Variants in ALDH6A1 observed in about 807,000 individuals in gnomAD.
ALDH6A1 encodes methylmalonate-semialdehyde/malonate-semialdehyde dehydrogenase [acylating], mitochondrial.
A neutral mutation model predicts 62.6 loss-of-function variants in ALDH6A1; 43 were observed. The ratio of observed to expected loss-of-function variants is 0.69; its 90% CI spans 0.54 to 0.89. ALDH6A1 has a LOEUF of 0.89. Among genes scored for constraint, ALDH6A1 ranks in the 40% least tolerant of loss-of-function variants. ALDH6A1 has a pLI of 0.00. For missense variants in ALDH6A1, 551 were observed against 661.3 expected (o/e 0.83, Z 1.83); for synonymous variants, 194 against 234.2 (o/e 0.83, Z 1.57).
chr14:74,064,959 AG>A, intron 10 of ALDH6A1, 39 bp from the exon 11 acceptor site: 2 of 1,576,470 alleles, frequency 1.3e-6, no homozygotes, highest in Non-Finnish European at 1.7e-6. Flanking sequence ...CTAAGGACAA[AG>A]GAACTCTCCA....
chr14:74,065,584 A>G (rs185475370), intron 9 of ALDH6A1: 2 of 546,094 alleles, frequency 3.7e-6, no homozygotes, highest in Non-Finnish European at 3.3e-6. Context: ...CCTATCAACA[A>G]TAACCACACT....
intron 1 of ALDH6A1, among the ~76,000 whole-genome samples, chr14:74,079,340 G>A (rs1359385369): frequency 2.6e-5 from 4 of 151,868 alleles, no homozygotes; most frequent in Admixed American, 6.6e-5. Context: ...TCCACCTCCC[G>A]GGTTCAGGCG....
At chr14:74,077,528 G>A (rs1425944014) in intron 1 of ALDH6A1, among the ~76,000 whole-genome samples, 1 of 152,152 alleles carries the variant, frequency 6.6e-6, no homozygotes, top group East Asian at 1.9e-4. Context: ...AGGGGAAGCA[G>A]ACCTGTGTGA....
chr14:74,072,840 C>T (rs1411951657), intron 2 of ALDH6A1, among the ~76,000 whole-genome samples: 3 of 152,086 alleles, frequency 2.0e-5, no homozygotes, highest in Admixed American at 2.0e-4. Flanking sequence ...TCTTGTCCCC[C>T]AGTCTGGAGC....
chr14:74,080,392 G>C (rs192433667), intron 1 of ALDH6A1, among the ~76,000 whole-genome samples: 1 of 124,862 alleles, frequency 8.0e-6, no homozygotes, highest in African/African-American at 3.2e-5. Context: ...TTTTGAGACA[G>C]AGTCTCACTC....
Position 74,059,700 on chromosome 14 carries a change from A to G in ALDH6A1, c.*942T>C, listed in dbSNP as rs901602080. The G allele has an allele frequency of 1.2e-5, 2 of 170,068 alleles. No homozygotes were observed. Among genetic ancestry groups the G allele is most frequent in the African/African-American group, 2.4e-5 (1 of 41,696 alleles). The allele number at this position is 170,068 out of a possible 1,614,324, so 10.5% of individuals were successfully genotyped here. Reference sequence around the variant, plus strand: ...ACAAGAGTGAAACTCCATCTCAAAAAAAAGAAAAAAGAAAATTATTTGCAT... The same window carrying G: ...ACAAGAGTGAAACTCCATCTCAAAAGAAAGAAAAAAGAAAATTATTTGCAT... On this transcript the variant is annotated 3_prime_UTR_variant, in exon 12 of 12. Transcript: ENST00000553458.
At chr14:74,063,945 A>G (rs2060407145) in intron 11 of ALDH6A1, among the ~76,000 whole-genome samples, 1 of 151,916 alleles carries the variant, frequency 6.6e-6, no homozygotes, top group African/African-American at 2.4e-5. Context: ...AACACAGGCA[A>G]TTTGGTTCCA....
chr14:74,079,991 T>C (rs1045713843), intron 1 of ALDH6A1, among the ~76,000 whole-genome samples: 3 of 152,142 alleles, frequency 2.0e-5, no homozygotes, highest in African/African-American at 7.2e-5. Context: ...TGAGCTGCGA[T>C]TGTGCCACTG....
In ALDH6A1 at chr14:74,068,868, C is replaced by T; in HGVS notation, c.844G>A (p.Ala282Thr). The change falls in exon 7 of 12, where the codon GCC becomes ACC. Residue 282 changes from alanine to threonine, a missense_variant. Ala to Thr is a moderately conservative substitution (Grantham distance 58). Transcript: ENST00000553458. ...RGSRHGKRVQ[A>T]NMGAKNHGVV... is the part of the protein sequence containing the mutation. ...AAGGAATAAGAAGTCACCATATTGG[C>T]TTGAACCCTCTTGCCATGTCTTGAT... The T allele has an allele frequency of 3.1e-6, 5 of 1,613,996 alleles. No homozygotes were observed. Among genetic ancestry groups the T allele is most frequent in the East Asian group, 2.2e-5 (1 of 44,874 alleles).
At chr14:74,061,251 T>C (rs2060334026) in intron 11 of ALDH6A1, among the ~76,000 whole-genome samples, 1 of 151,930 alleles carries the variant, frequency 6.6e-6, no homozygotes, top group Admixed American at 6.6e-5. Flanking sequence ...GTGCTGGAAT[T>C]ACAAGTGTGA....
chr14:74,067,357 G>A (rs775225830), intron 8 of ALDH6A1, 23 bp downstream of exon 8: 20 of 1,611,936 alleles, frequency 1.2e-5, no homozygotes, highest in Non-Finnish European at 1.7e-5. Context: ...AAATCTAAGG[G>A]GGCAAGTCAG....
intron 1 of ALDH6A1, chr14:74,078,475 T>G (rs1304673633): frequency 7.6e-6 from 2 of 262,878 alleles, no homozygotes; most frequent in African/African-American, 4.6e-5. Flanking sequence ...TGCCTCAGCC[T>G]CCCAAATAGC....
intron 1 of ALDH6A1, among the ~76,000 whole-genome samples, chr14:74,080,614 A>AT (rs967873939): frequency 7.9e-5 from 12 of 151,450 alleles, no homozygotes; most frequent in African/African-American, 1.7e-4. Flanking sequence ...ATTAAAAAAA[A>AT]TTTTTTTTTG....
intron 7 of ALDH6A1, 62 bp from the exon 8 acceptor site, chr14:74,067,631 T>C (rs753837621): frequency 6.4e-7 from 1 of 1,564,404 alleles, no homozygotes; most frequent in African/African-American, 1.4e-5. Context: ...AGCTAAGAAA[T>C]TAAGCAGTGG....
At chr14:74,060,897 T>C (rs773522246) in intron 11 of ALDH6A1, 151 bp from the exon 12 acceptor site, 7 of 664,202 alleles carry the variant, frequency 1.1e-5, no homozygotes, top group Admixed American at 2.4e-5. Context: ...CCTAAGATAA[T>C]TGATCTAAAA....
chr14:74,068,938 G>A lies in ALDH6A1; in HGVS notation c.774C>T (p.Ser258=). 4 of 1,613,970 alleles carry A rather than the reference G, an allele frequency of 2.5e-6. No individual in the cohort carries two copies. The highest frequency in any genetic ancestry group is 2.5e-6 in the Non-Finnish European group (3 of 1,179,954). ...CTCCTGCCTTGTTGGATCCCACAAA[G>A]CTGATTGCTTTGATGTCCGGATGAT... The part of the protein sequence containing the change: ...ICDHPDIKAI[S]FVGSNKAGEY... The change falls in exon 7 of 12, where the codon AGC becomes AGT. Residue 258 remains serine (S), a synonymous_variant. Transcript: ENST00000553458.
chr14:74,074,485 C>G (rs2060590079), intron 2 of ALDH6A1, among the ~76,000 whole-genome samples: 1 of 149,992 alleles, frequency 6.7e-6, no homozygotes, highest in South Asian at 2.1e-4. Context: ...TGTGGTTTCC[C>G]CATGTTGGCC....
intron 1 of ALDH6A1, among the ~76,000 whole-genome samples, chr14:74,075,332 C>CT: frequency 6.6e-6 from 1 of 152,088 alleles, no homozygotes; most frequent in East Asian, 1.9e-4. Flanking sequence ...AGCATGGTAT[C>CT]TAACACAATA....
At chr14:74,067,985 GA>G (rs1035477394) in intron 7 of ALDH6A1, among the ~76,000 whole-genome samples, 11 of 125,278 alleles carry the variant, frequency 8.8e-5, no homozygotes, top group African/African-American at 3.6e-4. Context: ...TTAGTTATAT[GA>G]AGAGCAATGT....
Sources: gnomAD v4.1 joint callset for allele counts (sites outside exome capture counted in the v4.1 genomes callset) on GRCh38, gnomAD v4.1.1 for gene constraint, MANE v1.5 for transcripts, NCBI Gene and HGNC (gene_info 2026-07-23, HGNC 2026-07-21) for gene names.